BUD13: variants seen among roughly 807,000 people sequenced by gnomAD.
The protein encoded by BUD13 is BUD13 spliceosome associated protein, also known as BUD13 homolog.
BUD13 carries 47 observed loss-of-function variants against 62.5 expected under a neutral mutation model. That is an observed-to-expected ratio of 0.75 (90% confidence interval 0.60 to 0.96). The LOEUF is 0.96. BUD13 is among the 40% of genes least tolerant of loss of function. The pLI, the probability that BUD13 is intolerant of heterozygous loss-of-function variation, is 0.00. For synonymous variants in BUD13, 293 were observed against 280.1 expected (o/e 1.05, Z -0.46); for missense variants, 821 against 790.9 (o/e 1.04, Z -0.46).
At chr11:116,752,543 A>G (rs1940254941) in intron 9 of BUD13, among the ~76,000 whole-genome samples, 1 of 152,174 alleles carries the variant, frequency 6.6e-6, no homozygotes. Context: ...GGGTCCAAAA[A>G]TTAAAAAACA....
In BUD13 at chr11:116,770,111, A is replaced by G; in HGVS notation, c.237+18T>C. On this transcript the variant is annotated intron_variant, in intron 2 of 9. Coordinates refer to ENST00000260210, the MANE Select transcript of BUD13 (RefSeq NM_032725.4). ...GCTTGCTTCATTTCAAAATCCTGAC[A>G]GCCCCAAAGATACATACCACAGGCA... The G allele has an allele frequency of 6.4e-7, 1 of 1,564,734 alleles. No homozygotes were observed.
At chr11:116,765,196 T>C (rs566717809) in intron 3 of BUD13, among the ~76,000 whole-genome samples, 166 bp downstream of exon 3, 2 of 152,350 alleles carry the variant, frequency 1.3e-5, no homozygotes, top group East Asian at 1.9e-4. Flanking sequence ...TAAGTTCCTA[T>C]GTCTTACTAC....
intron 9 of BUD13, among the ~76,000 whole-genome samples, chr11:116,754,650 A>G (rs1047476659): frequency 5.9e-5 from 9 of 152,232 alleles, no homozygotes; most frequent in Non-Finnish European, 1.0e-4. Context: ...TGTGTTGTAA[A>G]AACTAAATGT....
At chr11:116,760,287 T>C (rs1033154416) in intron 5 of BUD13, among the ~76,000 whole-genome samples, 5 of 152,210 alleles carry the variant, frequency 3.3e-5, no homozygotes, top group South Asian at 2.1e-4. Flanking sequence ...ACTACTATTA[T>C]CCACAATTTA....
rs747232853 is a variant in BUD13, at chr11:116,757,782, C to T, written c.1668G>A (p.Glu556=). The T allele has an allele frequency of 6.2e-7, 1 of 1,608,404 alleles. No individual in the cohort carries two copies. The highest frequency in any genetic ancestry group is 2.2e-5 in the East Asian group (1 of 44,832). The part of the protein sequence containing the change: ...ANFIKKNKAK[E]NKNKKVRPRY... Reference sequence around the variant, plus strand: ...AAGTCCCACCTTTTTTATTCTTGTTCTCCTTGGCCTTATTCTTCTTGATGA... The same window carrying T: ...AAGTCCCACCTTTTTTATTCTTGTTTTCCTTGGCCTTATTCTTCTTGATGA... Residue 556 remains glutamate, a synonymous_variant, in exon 8 of 10, where the codon GAG becomes GAA. Transcript: ENST00000260210.
intron 9 of BUD13, among the ~76,000 whole-genome samples, chr11:116,749,953 G>A (rs1421085315): frequency 1.3e-5 from 2 of 152,208 alleles, no homozygotes; most frequent in African/African-American, 2.4e-5. Context: ...GAGCACAAGA[G>A]TAGGAGCAGG....
At chr11:116,749,690 G>A (rs935051038) in intron 9 of BUD13, among the ~76,000 whole-genome samples, 1 of 152,172 alleles carries the variant, frequency 6.6e-6, no homozygotes, top group African/African-American at 2.4e-5. Flanking sequence ...GAGCTGCGTA[G>A]GCCATGGTAA....
intron 1 of BUD13, among the ~76,000 whole-genome samples, chr11:116,771,137 A>G (rs1433131933): frequency 6.6e-6 from 1 of 152,154 alleles, no homozygotes; most frequent in Non-Finnish European, 1.5e-5. Flanking sequence ...TCCTTTGGCA[A>G]ACTTTTCTTG....
chr11:116,762,829 T>C lies in BUD13; in HGVS notation c.760A>G (p.Arg254Gly). ...VHNNSPDTSR[R>G]TLGSSDTQQL... ...TGTGTGTCTGAAGAGCCAAGAGTCC[T>C]CCTAGATGTGTCAGGGGAGTTGTTA... is the stretch of plus-strand genomic sequence containing the variant. The change falls in exon 4 of 10, where the codon AGG becomes GGG. Residue 254 changes from arginine to glycine, a missense_variant. Physicochemically the swap from Arg to Gly is moderately radical, Grantham distance 125. Transcript: ENST00000260210. 2 of 1,613,964 alleles carry C rather than the reference T, an allele frequency of 1.2e-6. No individual in the cohort carries two copies. Among genetic ancestry groups the C allele is most frequent in the Non-Finnish European group, 1.7e-6 (2 of 1,179,964 alleles).
intron 2 of BUD13, among the ~76,000 whole-genome samples, chr11:116,768,780 G>C (rs1205264331): frequency 6.6e-6 from 1 of 151,798 alleles, no homozygotes; most frequent in Non-Finnish European, 1.5e-5. Context: ...GAGGTGGGCG[G>C]ATCACGAGGT....
intron 1 of BUD13, among the ~76,000 whole-genome samples, chr11:116,772,535 C>G (rs763920703): frequency 6.6e-6 from 1 of 152,186 alleles, no homozygotes; most frequent in Non-Finnish European, 1.5e-5. Context: ...AATATTCATT[C>G]TCTATGGGAG....
rs188760160 is a variant in BUD13, at chr11:116,757,518, C to T, written c.1684+248G>A. 2.0e-5 allele frequency among the ~76,000 whole-genome samples: 3 copies of T among 150,696 alleles called. No homozygotes were observed. In the East Asian group the frequency reaches 5.9e-4, roughly 30 times the overall value. On this transcript the variant is annotated intron_variant, in intron 8 of 9. Transcript: ENST00000260210. ...ATGGGGTTTCACCATGTTGGCCAGG[C>T]TGGTCTCGAACTCTAAGGTGATCCA...
intron 5 of BUD13, among the ~76,000 whole-genome samples, chr11:116,759,657 T>C (rs1399214581): frequency 3.9e-5 from 6 of 152,208 alleles, no homozygotes; most frequent in Admixed American, 3.9e-4. Flanking sequence ...AGCATCAAGA[T>C]AGCAAATCAG....
chr11:116,763,252 G>C lies in BUD13; in HGVS notation c.337C>G (p.Leu113Val). The part of the protein sequence containing the change: ...WKLLGGHNED[L>V]PSNRHFRHDT... ...TGACGAAAATGTCTGTTTGAGGGTA[G>C]GTCTTCGTTGTGGCCTAAACACAAA... is the stretch of plus-strand genomic sequence containing the variant. The change falls in exon 4 of 10, where the codon CTA becomes GTA. Residue 113 changes from leucine (L) to valine (V), a missense_variant. By Grantham distance (32) the Leu-to-Val change is conservative (BLOSUM62 1). Around this residue, in one of 2 missense-constraint regions of BUD13, gnomAD observed 800 missense variants for 739.2 expected, o/e 1.08. Transcript: ENST00000260210. 6.5e-7 allele frequency: 1 copy of C among 1,535,930 alleles called. No homozygotes were observed. Among genetic ancestry groups the C allele is most frequent in the Non-Finnish European group, 8.8e-7 (1 of 1,141,836 alleles).
intron 1 of BUD13, among the ~76,000 whole-genome samples, chr11:116,770,568 C>G (rs541839142): frequency 3.0e-4 from 45 of 151,676 alleles, no homozygotes; most frequent in African/African-American, 9.7e-4. Flanking sequence ...GATCTCAGCT[C>G]ACTGCAAGCT....
chr11:116,768,650 G>A (rs551719059), intron 2 of BUD13, among the ~76,000 whole-genome samples: 1 of 152,056 alleles, frequency 6.6e-6, no homozygotes, highest in South Asian at 2.1e-4. Context: ...GGCTCCCTAA[G>A]ATCACTATTT....
At chr11:116,757,110 A>G (rs1178329772) in intron 9 of BUD13, 36 bp downstream of exon 9, 2 of 1,591,638 alleles carry the variant, frequency 1.3e-6, no homozygotes, top group East Asian at 2.2e-5. Flanking sequence ...GGAAGGTTAC[A>G]GTCAGGTAGA....
At chr11:116,770,361 C>T in intron 1 of BUD13, 139 bp from the exon 2 acceptor site, 1 of 634,602 alleles carries the variant, frequency 1.6e-6, no homozygotes, top group Non-Finnish European at 2.6e-6. Context: ...TCAACTTCAT[C>T]TCCTACTGCT....
intron 9 of BUD13, among the ~76,000 whole-genome samples, chr11:116,749,095 T>G (rs564849027): frequency 1.3e-5 from 2 of 152,296 alleles, no homozygotes; most frequent in South Asian, 4.1e-4. Context: ...TCTTAGTCCT[T>G]GTTCACACCC....
Sources: allele counts gnomAD v4.1 joint callset (sites outside exome capture counted in the v4.1 genomes callset), GRCh38; gene constraint gnomAD v4.1.1; regional missense constraint gnomAD v4.1.1; transcripts MANE v1.5; gene names NCBI Gene and HGNC (gene_info 2026-07-23, HGNC 2026-07-21).